The following DYNC2LI1 variants were observed in gnomAD, a reference collection of about 807,000 sequenced individuals.
DYNC2LI1 encodes the protein dynein cytoplasmic 2 light intermediate chain 1.
DYNC2LI1 carries 45 observed loss-of-function variants against 51.9 expected under a neutral mutation model. That is an observed-to-expected ratio of 0.87 (90% CI 0.68 to 1.11). The LOEUF is 1.11. Among genes scored for constraint, DYNC2LI1 ranks in the 50% most tolerant of loss-of-function variants. The pLI, the probability that DYNC2LI1 is intolerant of heterozygous loss-of-function variation, is 0.00. For missense variants in DYNC2LI1, 490 were observed against 417.4 expected, an observed-to-expected ratio of 1.17 and a Z score of -1.51; for synonymous variants, 130 against 137.8, an observed-to-expected ratio of 0.94 and a Z score of 0.40.
chr2:43,802,851 C>A (rs1483040531), intron 10 of DYNC2LI1, among the ~76,000 whole-genome samples: 1 of 151,916 alleles, frequency 6.6e-6, no homozygotes, highest in East Asian at 1.9e-4. Context: ...AGAAAGTGGG[C>A]AAAAGACATA....
intron 8 of DYNC2LI1, 103 bp downstream of exon 8, chr2:43,796,898 C>A: frequency 1.2e-6 from 1 of 863,234 alleles, no homozygotes; most frequent in Non-Finnish European, 1.9e-6. Flanking sequence ...TTTGCTAATG[C>A]ACATGGTCCC....
chr2:43,778,093 A>T (rs1673106281), intron 2 of DYNC2LI1, among the ~76,000 whole-genome samples: 1 of 152,236 alleles, frequency 6.6e-6, no homozygotes, highest in Non-Finnish European at 1.5e-5. Context: ...ATTCTTTAAA[A>T]TAAAATTATC....
the DYNC2LI1 span, among the ~76,000 whole-genome samples, chr2:43,816,167 C>A: frequency 2.2e-4 from 34 of 152,262 alleles, no homozygotes; most frequent in African/African-American, 8.2e-4. Context: ...GTATACAGTT[C>A]AAAGACAGAG....
chr2:43,821,884 C>T, the DYNC2LI1 span, among the ~76,000 whole-genome samples: 1 of 152,002 alleles, frequency 6.6e-6, no homozygotes, highest in Non-Finnish European at 1.5e-5. Flanking sequence ...CTCCCCCTCT[C>T]TTCCCGCACC....
intron 2 of DYNC2LI1, among the ~76,000 whole-genome samples, chr2:43,777,189 C>G (rs866435726): frequency 1.3e-5 from 2 of 152,104 alleles, no homozygotes; most frequent in African/African-American, 4.8e-5. Context: ...AAGTCAGTCT[C>G]TAAATCAGTA....
chr2:43,778,283 G>C (rs1215708494), intron 2 of DYNC2LI1, among the ~76,000 whole-genome samples: 1 of 152,076 alleles, frequency 6.6e-6, no homozygotes, highest in East Asian at 1.9e-4. Context: ...ACCTCAAGTA[G>C]CTGGGATTAC....
At chr2:43,809,530 C>G (rs993674253) in intron 12 of DYNC2LI1, among the ~76,000 whole-genome samples, 175 bp from the exon 13 acceptor site, 1 of 152,068 alleles carries the variant, frequency 6.6e-6, no homozygotes. Context: ...GACAGTATTT[C>G]TAGAAAATAA....
the DYNC2LI1 span, chr2:43,822,743 T>C: frequency 1.8e-4 from 285 of 1,612,730 alleles, no homozygotes; most frequent in Non-Finnish European, 2.3e-4. Flanking sequence ...CGAGTCCCAC[T>C]AGCTCCATGA....
chr2:43,788,181 C>T (rs1673611498), intron 4 of DYNC2LI1, among the ~76,000 whole-genome samples: 1 of 152,080 alleles, frequency 6.6e-6, no homozygotes, highest in Non-Finnish European at 1.5e-5. Context: ...AAAAGCTTCC[C>T]TTTATCAAAT....
chr2:43,795,288 G>A lies in DYNC2LI1; in HGVS notation c.508-602G>A, dbSNP rs1405839544. Reference sequence around the variant, plus strand: ...TGGGTGGCCGAGGCGGGCGGATCACGACGTCAAGAGATCAAGACCATCCTG... The same window carrying A: ...TGGGTGGCCGAGGCGGGCGGATCACAACGTCAAGAGATCAAGACCATCCTG... On this transcript the variant is annotated intron_variant, in intron 6 of 12. Transcript: ENST00000260605. 12 of 613,934 alleles carry A rather than the reference G, an allele frequency of 2.0e-5. No homozygotes were observed. The South Asian group carries it at 2.2e-4, about 11-fold the overall frequency. The allele number at this position is 613,934 out of a possible 1,614,324, so 38.0% of individuals were successfully genotyped here.
At chr2:43,825,457 C>A in the DYNC2LI1 span, among the ~76,000 whole-genome samples, 1 of 152,028 alleles carries the variant, frequency 6.6e-6, no homozygotes, top group Non-Finnish European at 1.5e-5. Context: ...GGATACTGGG[C>A]GGAGAAAGTG....
intron 5 of DYNC2LI1, chr2:43,794,038 A>G (rs1188203644): frequency 6.2e-6 from 1 of 160,490 alleles, no homozygotes; most frequent in Admixed American, 6.0e-5. Context: ...GTAGTTCCCT[A>G]GCAAGGTCCA....
At chr2:43,802,314 G>A (rs568675860) in intron 10 of DYNC2LI1, among the ~76,000 whole-genome samples, 122 of 150,860 alleles carry the variant, frequency 8.1e-4, no homozygotes, top group Non-Finnish European at 1.2e-3. Flanking sequence ...TTTGAGCCTC[G>A]CACTTCTTTA....
intron 3 of DYNC2LI1, 114 bp downstream of exon 3, chr2:43,783,668 T>G (rs541481856): frequency 1.5e-6 from 1 of 647,962 alleles, no homozygotes; most frequent in African/African-American, 1.9e-5. Context: ...AACAAAATAT[T>G]TAATTCTTAG....
chr2:43,807,309 T>C (rs145866152), intron 12 of DYNC2LI1, among the ~76,000 whole-genome samples: 60 of 152,282 alleles, frequency 3.9e-4, no homozygotes, highest in Non-Finnish European at 6.6e-4. Context: ...TTTGCCAGAC[T>C]TCACATGGGC....
intron 4 of DYNC2LI1, 77 bp from the exon 5 acceptor site, chr2:43,789,556 A>G (rs1352816306): frequency 1.6e-6 from 2 of 1,228,370 alleles, no homozygotes; most frequent in Non-Finnish European, 2.3e-6. Flanking sequence ...TTTTGTATGT[A>G]TAATTATTAC....
downstream of DYNC2LI1, among the ~76,000 whole-genome samples, chr2:43,812,177 A>G: frequency 6.6e-6 from 1 of 152,060 alleles, no homozygotes; most frequent in East Asian, 1.9e-4. Context: ...CAGCCTCCTG[A>G]GCAGCTGGGA....
chr2:43,785,656 C>T (rs1342190504), intron 3 of DYNC2LI1, among the ~76,000 whole-genome samples: 3 of 151,882 alleles, frequency 2.0e-5, no homozygotes, highest in African/African-American at 7.3e-5. Context: ...ATCACTTGAA[C>T]CTGGGAGGCA....
At chr2:43,793,940 A>G (rs1258146357) in intron 5 of DYNC2LI1, 1 of 153,202 alleles carries the variant, frequency 6.5e-6, no homozygotes, top group Non-Finnish European at 1.5e-5. Context: ...ACAATTTACT[A>G]ATTATATAAA....
Sources: allele counts gnomAD v4.1 joint callset (sites outside exome capture counted in the v4.1 genomes callset), GRCh38; gene constraint gnomAD v4.1.1; transcripts MANE v1.5; gene names NCBI Gene and HGNC (gene_info 2026-07-23, HGNC 2026-07-21).